The following DACH2 variants were observed in gnomAD, a reference collection of about 807,000 sequenced individuals.
DACH2 encodes dachshund family transcription factor 2.
A neutral mutation model predicts 35.8 loss-of-function variants in DACH2; 17 were observed. The ratio of observed to expected loss-of-function variants is 0.48; its 90% CI spans 0.33 to 0.71. The LOEUF (loss-of-function observed/expected upper bound fraction) is 0.71, where lower values mean the gene tolerates loss of function less well. DACH2 is among the 30% of genes least tolerant of loss of function. The pLI, the probability that DACH2 is intolerant of heterozygous loss-of-function variation, is 0.02. For synonymous variants in DACH2, 195 were observed against 177.3 expected (o/e 1.10, Z -0.79); for missense variants, 469 against 472.7 (o/e 0.99, Z 0.07).
chrX:86,795,085 A>C (rs1339937306), intron 7 of DACH2, among the ~76,000 whole-genome samples: 5 of 111,526 alleles, frequency 4.5e-5, no homozygotes, highest in African/African-American at 1.6e-4. Context: ...AAAATGTCTA[A>C]TGGGAAATGA....
chrX:86,413,956 A>G (rs913208180), intron 2 of DACH2, among the ~76,000 whole-genome samples: 2 of 111,679 alleles, frequency 1.8e-5, no homozygotes, highest in Non-Finnish European at 3.8e-5. Flanking sequence ...GTCAGCTCAA[A>G]GCCAGTGTCC....
chrX:86,256,842 C>T (rs1046058945), intron 1 of DACH2, among the ~76,000 whole-genome samples: 1 of 111,186 alleles, frequency 9.0e-6, no homozygotes, highest in African/African-American at 3.3e-5. Context: ...TAGATCTCCA[C>T]CTCATTTTGT....
At chrX:86,413,139 CATGCAA>C (rs769354689) in intron 2 of DACH2, among the ~76,000 whole-genome samples, 66 of 112,001 alleles carry the variant, frequency 5.9e-4, no homozygotes, top group Middle Eastern at 4.6e-3. Flanking sequence ...CATCCTCTGG[CATGCAA>C]ATGTCTCACC....
rs778446915 is a variant in DACH2 at position 86,668,072 on chromosome X, C to T, written c.772+16905C>T. 3.6e-5 allele frequency among the ~76,000 whole-genome samples: 4 copies of T among 111,755 alleles called. No homozygotes were observed. The South Asian group carries it at 1.5e-3, about 41-fold the overall frequency. On this transcript the variant is annotated intron_variant, in intron 4 of 11. Transcript: ENST00000373125. Reference sequence around the variant, plus strand: ...TTACTTGGTTTATTTATTCTGTTACCTTCCTTGTATTTGAAGAATTAGCAC... The same window carrying T: ...TTACTTGGTTTATTTATTCTGTTACTTTCCTTGTATTTGAAGAATTAGCAC...
chrX:86,829,340 A>G (rs750521464), intron 11 of DACH2: 14 of 112,264 alleles, frequency 1.2e-4, no homozygotes, highest in Non-Finnish European at 2.4e-4. Context: ...GTGACAGGTG[A>G]CTAAAAATAT....
chrX:86,543,728 C>T (rs954882375), intron 3 of DACH2, among the ~76,000 whole-genome samples: 3 of 107,158 alleles, frequency 2.8e-5, no homozygotes, highest in Admixed American at 1.0e-4. Flanking sequence ...ATCCAACTAT[C>T]GCAAGAACCA....
At chrX:86,551,128 C>T (rs1162802219) in intron 3 of DACH2, among the ~76,000 whole-genome samples, 2 of 111,822 alleles carry the variant, frequency 1.8e-5, no homozygotes, top group Non-Finnish European at 3.8e-5. Flanking sequence ...GTAATCATTG[C>T]TTTCCAGTCT....
intron 4 of DACH2, among the ~76,000 whole-genome samples, chrX:86,667,358 A>AAGGAAGGAAGGAAGGAAGG (rs1569463455): frequency 9.4e-5 from 5 of 53,233 alleles, no homozygotes; most frequent in South Asian, 1.3e-3. Context: ...AGGAAGGAAG[A>AAGGAAGGAAGGAAGGAAGG]GGAAGGGAAG....
At chrX:86,613,760 A>C (rs2039973224) in intron 3 of DACH2, among the ~76,000 whole-genome samples, 1 of 111,708 alleles carries the variant, frequency 9.0e-6, no homozygotes, top group Admixed American at 9.6e-5. Context: ...TATAAAACAT[A>C]ATATATAAGC....
At chrX:86,613,066 G>T in intron 3 of DACH2, among the ~76,000 whole-genome samples, 1 of 111,973 alleles carries the variant, frequency 8.9e-6, no homozygotes, top group East Asian at 2.8e-4. Context: ...AAAGTCAAAT[G>T]CATGTTAACA....
rs767571095 is a variant in DACH2 at position 86,815,941 on chromosome X, T to C, written c.1685-93T>C. On this transcript the variant is annotated intron_variant, in intron 10 of 11. Coordinates refer to ENST00000373125, the MANE Select transcript of DACH2 (RefSeq NM_053281.3). Reference sequence around the variant, plus strand: ...GCCACCCAAGGTCTTATGTTATCTATAGGACCAAAGTACTGGCTTACTGGA... The same window carrying C: ...GCCACCCAAGGTCTTATGTTATCTACAGGACCAAAGTACTGGCTTACTGGA... 16 of 680,740 alleles carry C rather than the reference T, an allele frequency of 2.4e-5. No individual in the cohort carries two copies. The East Asian group carries it at 3.9e-4, about 17-fold the overall frequency. 56.1% of individuals were successfully genotyped at this position (680,740 alleles called of 1,213,427 possible).
In DACH2 at chrX:86,255,572, G is replaced by A. The variant is rs2033501985; in HGVS notation, c.488+106464G>A. 1.8e-5 allele frequency among the ~76,000 whole-genome samples: 2 copies of A among 111,184 alleles called. 1 individual carries two copies. Among genetic ancestry groups the A allele is most frequent in the South Asian group, 7.5e-4 (2 of 2,664 alleles). On this transcript the variant is annotated intron_variant, in intron 1 of 11. Transcript: ENST00000373125. ...GGCAAGATACTTTCCCTCTTTGAGT[G>A]TAGGTCTCCTGATCAGTGAACTGGG...
At chrX:86,240,484 T>A (rs2033142836) in intron 1 of DACH2, among the ~76,000 whole-genome samples, 1 of 103,865 alleles carries the variant, frequency 9.6e-6, no homozygotes, top group Non-Finnish European at 1.9e-5. Flanking sequence ...ATTATTACTT[T>A]TTGAGACATA....
At chrX:86,781,296 A>T (rs2042087085) in intron 7 of DACH2, among the ~76,000 whole-genome samples, 1 of 111,603 alleles carries the variant, frequency 9.0e-6, no homozygotes, top group African/African-American at 3.3e-5. Flanking sequence ...CGGGAGATAG[A>T]ATCCTTTAGT....
At chrX:86,175,233 C>T (rs2748744) in intron 1 of DACH2, among the ~76,000 whole-genome samples, 1 of 111,947 alleles carries the variant, frequency 8.9e-6, no homozygotes, top group African/African-American at 3.2e-5. Flanking sequence ...GAATTATGTT[C>T]TGAAAGCTAA....
At chrX:86,316,735 G>A (rs763879248) in intron 1 of DACH2, among the ~76,000 whole-genome samples, 1 of 110,899 alleles carries the variant, frequency 9.0e-6, no homozygotes, top group Non-Finnish European at 1.9e-5. Context: ...AGACGTAAAT[G>A]GCATTTTCAT....
intron 1 of DACH2, among the ~76,000 whole-genome samples, chrX:86,330,546 T>A (rs1234645159): frequency 9.0e-6 from 1 of 111,709 alleles, no homozygotes. Context: ...GGTCTTACTG[T>A]CTTAGAATGT....
chrX:86,809,841 C>A (rs1318722841), intron 7 of DACH2, among the ~76,000 whole-genome samples: 1 of 111,113 alleles, frequency 9.0e-6, no homozygotes, highest in African/African-American at 3.3e-5. Flanking sequence ...CATCCCAGTT[C>A]CCACCCTCTG....
chrX:86,206,561 G>A (rs1051860865), intron 1 of DACH2, among the ~76,000 whole-genome samples: 1 of 112,316 alleles, frequency 8.9e-6, no homozygotes, highest in South Asian at 3.7e-4. Context: ...AAGGCGTCAT[G>A]ATACAATAGA....
Sources: gnomAD v4.1 joint callset for allele counts (sites outside exome capture counted in the v4.1 genomes callset) on GRCh38, gnomAD v4.1.1 for gene constraint, MANE v1.5 for transcripts, NCBI Gene and HGNC (gene_info 2026-07-23, HGNC 2026-07-21) for gene names.